CCSER1: variants seen among roughly 807,000 people sequenced by gnomAD.
CCSER1 encodes serine-rich coiled-coil domain-containing protein 1.
A neutral mutation model predicts 82.0 loss-of-function variants in CCSER1; 41 were observed. The observed-to-expected ratio is 0.50, with a 90% CI of 0.39 to 0.65. The LOEUF is 0.65. Among genes scored for constraint, CCSER1 ranks in the 30% least tolerant of loss-of-function variants. The pLI is 0.00. For missense variants in CCSER1, 1,119 were observed against 1,064.2 expected, an observed-to-expected ratio of 1.05 and a Z score of -0.72; for synonymous variants, 414 against 383.9, an observed-to-expected ratio of 1.08 and a Z score of -0.92.
At chr4:91,402,479 TC>T (rs1254706980) in intron 10 of CCSER1, among the ~76,000 whole-genome samples, 4 of 152,212 alleles carry the variant, frequency 2.6e-5, no homozygotes, top group South Asian at 2.1e-4. Context: ...CATGCCTATG[TC>T]CTGAATGGTA....
chr4:90,271,862 ATTTTTTTTTTTTTTT>A lies in CCSER1; in HGVS notation c.-41-36368_-41-36354del, dbSNP rs1176154331. ...TATATATATATATATATATATATAT[ATTTTTTTTTTTTTTT>A]TTTTTTTTTTTTTAAAAGGAGGTTT... On this transcript the variant is annotated intron_variant, in intron 1 of 10. Transcript: ENST00000509176. 1.9e-3 allele frequency among the ~76,000 whole-genome samples: 42 copies of A among 21,746 alleles called. 1 individual carries two copies. The East Asian group carries it at 0.028, about 14-fold the overall frequency. The allele number at this position is 21,746 out of a possible 152,430, so 14.3% of individuals were successfully genotyped here.
intron 8 of CCSER1, among the ~76,000 whole-genome samples, chr4:90,823,582 T>TAGTAAC (rs1760055515): frequency 6.6e-6 from 1 of 152,100 alleles, no homozygotes; most frequent in Non-Finnish European, 1.5e-5. Context: ...TATCAGTTAA[T>TAGTAAC]AGTAACCATT....
At chr4:90,414,619 A>G (rs1484556245) in intron 4 of CCSER1, among the ~76,000 whole-genome samples, 1 of 152,146 alleles carries the variant, frequency 6.6e-6, no homozygotes, top group African/African-American at 2.4e-5. Flanking sequence ...TCATGTTTGT[A>G]TAGTATTGTT....
At chr4:91,074,305 T>G (rs985337946) in intron 9 of CCSER1, among the ~76,000 whole-genome samples, 1 of 152,168 alleles carries the variant, frequency 6.6e-6, no homozygotes, top group African/African-American at 2.4e-5. Context: ...ATAGAGAACA[T>G]GCAACAAATA....
intron 10 of CCSER1, among the ~76,000 whole-genome samples, chr4:91,409,670 T>A (rs1752910149): frequency 6.6e-6 from 1 of 152,142 alleles, no homozygotes; most frequent in African/African-American, 2.4e-5. Flanking sequence ...TAAAAAATAC[T>A]AATTTCTTTG....
chr4:90,391,583 A>T (rs1310535158), intron 3 of CCSER1, among the ~76,000 whole-genome samples: 1 of 146,916 alleles, frequency 6.8e-6, no homozygotes, highest in Non-Finnish European at 1.5e-5. Flanking sequence ...CAATAGTAAT[A>T]ATAGCCATTT....
intron 10 of CCSER1, among the ~76,000 whole-genome samples, chr4:91,503,458 A>G (rs1759325950): frequency 6.6e-6 from 1 of 152,150 alleles, no homozygotes; most frequent in African/African-American, 2.4e-5. Context: ...CTGTGGTTCA[A>G]TCTGTGTATT....
intron 3 of CCSER1, among the ~76,000 whole-genome samples, chr4:90,353,827 C>T (rs531248535): frequency 8.1e-4 from 123 of 152,262 alleles, no homozygotes; most frequent in African/African-American, 2.9e-3. Context: ...AGGAACCCCA[C>T]CAGAACAAGT....
intron 1 of CCSER1, among the ~76,000 whole-genome samples, chr4:90,272,562 T>A (rs1305133422): frequency 6.6e-6 from 1 of 152,182 alleles, no homozygotes; most frequent in Non-Finnish European, 1.5e-5. Flanking sequence ...GCTAGGTATA[T>A]TATTGAAATA....
chr4:91,551,060 A>G (rs77843048), intron 10 of CCSER1, among the ~76,000 whole-genome samples: 10,595 of 152,140 alleles, frequency 0.07, 552 homozygotes, highest in South Asian at 0.16. Flanking sequence ...AATATAATTC[A>G]AACTACTATA....
At chr4:90,360,907 A>G (rs988331547) in intron 3 of CCSER1, among the ~76,000 whole-genome samples, 2 of 152,182 alleles carry the variant, frequency 1.3e-5, no homozygotes, top group African/African-American at 4.8e-5. Context: ...ATAGTGCACA[A>G]CTTTTGTCAT....
chr4:90,845,807 G>GA (rs34846300), intron 8 of CCSER1, among the ~76,000 whole-genome samples: 51,608 of 141,028 alleles, frequency 0.37, 9,196 homozygotes, highest in South Asian at 0.41. Context: ...TTTCAACTGT[G>GA]AAAAAAAAAA....
At chr4:91,376,907 C>G (rs183180414) in intron 10 of CCSER1, among the ~76,000 whole-genome samples, 13 of 150,336 alleles carry the variant, frequency 8.6e-5, no homozygotes, top group African/African-American at 2.2e-4. Context: ...TCCCTCCCCC[C>G]ACCCAGGACA....
At chr4:90,523,503 C>T (rs1468615604) in intron 5 of CCSER1, among the ~76,000 whole-genome samples, 1 of 152,060 alleles carries the variant, frequency 6.6e-6, no homozygotes, top group African/African-American at 2.4e-5. Context: ...GCTTCTTTTA[C>T]CTGTACTACA....
chr4:90,365,790 A>G (rs1746181553), intron 3 of CCSER1, among the ~76,000 whole-genome samples: 1 of 151,908 alleles, frequency 6.6e-6, no homozygotes, highest in Non-Finnish European at 1.5e-5. Context: ...ACATATTTAA[A>G]TATTCCTGCT....
At chr4:90,930,017 T>A (rs1433493499) in intron 9 of CCSER1, among the ~76,000 whole-genome samples, 1 of 152,164 alleles carries the variant, frequency 6.6e-6, no homozygotes, top group African/African-American at 2.4e-5. Context: ...TTAAAAATAA[T>A]GTTAACTTAA....
intron 10 of CCSER1, among the ~76,000 whole-genome samples, chr4:91,177,251 G>A (rs1421932469): frequency 6.6e-6 from 1 of 152,180 alleles, no homozygotes; most frequent in African/African-American, 2.4e-5. Flanking sequence ...TTGCATTGAT[G>A]TTCATCAGGG....
At position 90,221,431 on chromosome 4, in the gene CCSER1, C is replaced by T. The variant is rs140107031; in HGVS notation, c.-41-86813C>T. ...ATTCAGCATATTTACAGAGCACCTA[C>T]CATATGCTAAGACCTGTACCAGGCA... On this transcript the variant is annotated intron_variant, in intron 1 of 10. Transcript: ENST00000509176. Among the ~76,000 whole-genome samples, 365 of 152,222 alleles carry T rather than the reference C, an allele frequency of 2.4e-3. 2 individuals are homozygous for T. In the South Asian group the frequency reaches 0.027, roughly 11 times the overall value.
In CCSER1 at chr4:91,425,675, A is replaced by G. The variant is rs187958986; in HGVS notation, c.2218-172897A>G. ...AATTTAAGATGAGCATTGGGTATCT[A>G]AAATAATCAGTCATAGAAATAGAGT... is the stretch of plus-strand genomic sequence containing the variant. On this transcript the variant is annotated intron_variant, in intron 10 of 10. Transcript: ENST00000509176. Among the ~76,000 whole-genome samples, 465 of 152,300 alleles carry G rather than the reference A, an allele frequency of 3.1e-3. 2 individuals carry two copies. The highest frequency in any genetic ancestry group is 0.011 in the African/African-American group (437 of 41,566).
Sources: gnomAD v4.1 joint callset for allele counts (sites outside exome capture counted in the v4.1 genomes callset) on GRCh38, gnomAD v4.1.1 for gene constraint, MANE v1.5 for transcripts, NCBI Gene and HGNC (gene_info 2026-07-23, HGNC 2026-07-21) for gene names.